Variants in CPAMD8 observed in about 807,000 individuals in gnomAD.
The protein encoded by CPAMD8 is C3 and PZP like alpha-2-macroglobulin domain containing 8, also known as C3 and PZP-like alpha-2-macroglobulin domain-containing protein 8.
A neutral mutation model predicts 224.7 loss-of-function variants in CPAMD8; 146 were observed. The observed-to-expected ratio is 0.65, with a 90% confidence interval of 0.57 to 0.75. CPAMD8 has a LOEUF of 0.75. Ranked by LOEUF, CPAMD8 falls within the 30% of genes least tolerant of loss-of-function variation. The probability of loss-of-function intolerance (pLI) is 0.00; values close to 1 mark genes in which losing one functional copy is unlikely to be tolerated. For missense variants in CPAMD8, 2,301 were observed against 2,537.5 expected (o/e 0.91, Z 2.00); for synonymous variants, 966 against 1,044.6 (o/e 0.92, Z 1.45).
At chr19:16,999,534 G>A (rs191661360) in intron 10 of CPAMD8, among the ~76,000 whole-genome samples, 56 of 148,606 alleles carry the variant, frequency 3.8e-4, no homozygotes, top group African/African-American at 6.7e-4. Flanking sequence ...GCAGTGAGCC[G>A]AGATCACGCC....
intron 29 of CPAMD8, among the ~76,000 whole-genome samples, 190 bp from the exon 30 acceptor site, chr19:16,907,307 C>CTTTTTTT (rs71334641): frequency 1.1e-4 from 9 of 81,060 alleles, no homozygotes; most frequent in African/African-American, 3.2e-4. Flanking sequence ...TCTTTCTTGC[C>CTTTTTTT]TTTTTTTTTT....
rs1290841375 is a variant in CPAMD8, at chr19:17,026,775, C to G, written c.-133G>C. On this transcript the variant is annotated 5_prime_UTR_variant, in exon 1 of 42. Coordinates refer to ENST00000443236, the MANE Select transcript of CPAMD8 (RefSeq NM_015692.5). Reference sequence around the variant, plus strand: ...GTTCGCAGCCCCCGCGCAGTGCGCCCGGCGCCATGCGCCCCGCTCCGCGCC... The same window carrying G: ...GTTCGCAGCCCCCGCGCAGTGCGCCGGGCGCCATGCGCCCCGCTCCGCGCC... 5.2e-6 allele frequency: 6 copies of G among 1,143,362 alleles called. No individual in the cohort carries two copies. Among genetic ancestry groups the G allele is most frequent in the South Asian group, 8.3e-5 (2 of 24,080 alleles). 70.8% of individuals were successfully genotyped at this position (1,143,362 alleles called of 1,614,324 possible).
intron 18 of CPAMD8, among the ~76,000 whole-genome samples, chr19:16,958,366 G>T (rs933022822): frequency 6.6e-6 from 1 of 152,106 alleles, no homozygotes; most frequent in African/African-American, 2.4e-5. Context: ...GTGAGAACAT[G>T]CAGTATTTGG....
intron 10 of CPAMD8, among the ~76,000 whole-genome samples, chr19:16,998,820 C>T (rs745717632): frequency 6.6e-5 from 10 of 152,146 alleles, no homozygotes; most frequent in Non-Finnish European, 1.3e-4. Flanking sequence ...AGCAATTCCG[C>T]TCCTAGGAAA....
At chr19:17,008,582 G>A in intron 6 of CPAMD8, 23 bp from the exon 7 acceptor site, 1 of 1,613,574 alleles carries the variant, frequency 6.2e-7, no homozygotes, top group African/African-American at 1.3e-5. Flanking sequence ...GAGGGGGACA[G>A]ACACACGGAG....
At chr19:16,974,974 C>T (rs551575516) in intron 17 of CPAMD8, 123 bp downstream of exon 17, 57 of 1,335,302 alleles carry the variant, frequency 4.3e-5, no homozygotes, top group Middle Eastern at 2.7e-4. Flanking sequence ...GACCCCATCT[C>T]GAAAAAAAGA....
intron 23 of CPAMD8, among the ~76,000 whole-genome samples, chr19:16,930,301 C>G (rs1259714872): frequency 6.6e-6 from 1 of 151,974 alleles, no homozygotes; most frequent in Non-Finnish European, 1.5e-5. Flanking sequence ...AACTCACACT[C>G]TCTGACACTG....
rs761996248 is a variant in CPAMD8, at chr19:16,914,900, C to T, written c.3630-87G>A. 6.0e-4 allele frequency: 546 copies of T among 905,842 alleles called. 2 individuals are homozygous for T. The highest frequency in any genetic ancestry group is 8.4e-4 in the Non-Finnish European group (498 of 593,458). 56.1% of individuals were successfully genotyped at this position (905,842 alleles called of 1,614,324 possible). A position where few individuals can be genotyped will look rare whatever the true frequency, so the allele number is the denominator to read the frequency against. On this transcript the variant is annotated intron_variant, in intron 27 of 41. Coordinates refer to ENST00000443236, the MANE Select transcript of CPAMD8 (RefSeq NM_015692.5). Reference sequence around the variant, plus strand: ...GAGGGATTGCAGCAAGCTCCTGGCACCACCCCCGGCCTCCATTTCCTCATC... The same window carrying T: ...GAGGGATTGCAGCAAGCTCCTGGCATCACCCCCGGCCTCCATTTCCTCATC...
At chr19:16,929,293 C>T in intron 23 of CPAMD8, 53 bp from the exon 24 acceptor site, 1 of 1,460,728 alleles carries the variant, frequency 6.8e-7, no homozygotes, top group Non-Finnish European at 9.3e-7. Flanking sequence ...AGGCATCCCA[C>T]TTTCCCTGAT....
At chr19:16,971,534 C>G (rs1238488670) in intron 17 of CPAMD8, among the ~76,000 whole-genome samples, 2 of 152,110 alleles carry the variant, frequency 1.3e-5, no homozygotes, top group Middle Eastern at 3.2e-3. Flanking sequence ...ACGCCCAGAA[C>G]AGGCAAATCC....
At chr19:16,900,608 T>C (rs951406205) in intron 36 of CPAMD8, among the ~76,000 whole-genome samples, 12 of 151,134 alleles carry the variant, frequency 7.9e-5, no homozygotes, top group African/African-American at 2.9e-4. Flanking sequence ...ATAATAATAA[T>C]AATAATAATA....
Position 16,980,536 on chromosome 19 carries a change from G to A in CPAMD8, c.1546C>T (p.Leu516=), listed in dbSNP as rs762191527. The change falls in exon 14 of 42, where the codon CTG becomes TTG. Residue 516 remains leucine, a synonymous_variant. Coordinates refer to ENST00000443236, the MANE Select transcript of CPAMD8 (RefSeq NM_015692.5). ...TGTGTTAAACGAATCGGTTTCTCCA[G>A]GGCAGGGGCCGCCCGCTTGCTTCGC... ...QQRSKRAAPA[L]EKPIRLTHLS... The A allele has an allele frequency of 1.9e-6, 3 of 1,613,884 alleles. No homozygotes were observed. Among genetic ancestry groups the A allele is most frequent in the Non-Finnish European group, 2.5e-6 (3 of 1,179,988 alleles).
At chr19:16,965,727 G>A (rs556054546) in intron 18 of CPAMD8, among the ~76,000 whole-genome samples, 1 of 152,248 alleles carries the variant, frequency 6.6e-6, no homozygotes, top group Non-Finnish European at 1.5e-5. Flanking sequence ...AATCATGAGT[G>A]AAATCCCATT....
chr19:16,938,272 C>T (rs907177373), intron 23 of CPAMD8, 123 bp downstream of exon 23: 7 of 554,906 alleles, frequency 1.3e-5, no homozygotes, highest in Middle Eastern at 3.0e-4. Flanking sequence ...GCCCCCTTCC[C>T]AGGGGAAGGG....
In CPAMD8 at chr19:16,931,519, C is replaced by G. The variant is rs567327035; in HGVS notation, c.2846-2279G>C. Reference sequence around the variant, plus strand: ...CCGGAGGGTCATCTCACCACTGCTACTGCCAGTGCCCATGCCAAGCCCACT... The same window carrying G: ...CCGGAGGGTCATCTCACCACTGCTAGTGCCAGTGCCCATGCCAAGCCCACT... On this transcript the variant is annotated intron_variant, in intron 23 of 41. Transcript: ENST00000443236. Among the ~76,000 whole-genome samples the G allele has an allele frequency of 1.3e-4, 20 of 152,344 alleles. No individual in the cohort carries two copies. In the South Asian group the frequency reaches 4.1e-3, roughly 32 times the overall value.
chr19:16,990,252 CA>C (rs893811367), intron 12 of CPAMD8, among the ~76,000 whole-genome samples: 19 of 145,808 alleles, frequency 1.3e-4, no homozygotes, highest in East Asian at 6.0e-4. Context: ...GACTCTGACT[CA>C]AAAAAAAAAG....
Position 16,988,518 on chromosome 19 carries a change from G to A in CPAMD8, c.1395+1125C>T, listed in dbSNP as rs564902189. ...CCAGCTACTCCAGAGGCTGAGGCAG[G>A]AGAATCACTTGAACCCTGGAGACGG... On this transcript the variant is annotated intron_variant, in intron 13 of 41. Transcript: ENST00000443236. Among the ~76,000 whole-genome samples the A allele has an allele frequency of 3.9e-5, 6 of 152,126 alleles. No homozygotes were observed. The South Asian group carries it at 8.3e-4, about 21-fold the overall frequency.
chr19:17,026,556 C>T lies in CPAMD8; in HGVS notation c.87G>A (p.Gln29=), dbSNP rs868324453. ...ARDGVRAAQP[Q]APGYLIAAPS... ...TGTCGCCGGAGGATACTCACGGGGC[C>T]TGAGGCTGCGCGGCGCGCACGCCGT... Residue 29 remains glutamine, a synonymous_variant, in exon 1 of 42, where the codon CAG becomes CAA. Transcript: ENST00000443236. 5.3e-6 allele frequency: 8 copies of T among 1,520,838 alleles called. No homozygotes were observed. The highest frequency in any genetic ancestry group is 7.0e-6 in the Non-Finnish European group (8 of 1,143,354). 94.2% of individuals were successfully genotyped at this position (1,520,838 alleles called of 1,614,324 possible).
In CPAMD8 at chr19:16,936,088, C is replaced by T. The variant is rs572551198; in HGVS notation, c.2845+2307G>A. On this transcript the variant is annotated intron_variant, in intron 23 of 41. Coordinates refer to ENST00000443236, the MANE Select transcript of CPAMD8 (RefSeq NM_015692.5). ...GACTACAGGCACAAGCCACCATGCC[C>T]AGCTAATATTTTGTATTTTTGTAGA... is the stretch of plus-strand genomic sequence containing the variant. Among the ~76,000 whole-genome samples, 13 of 151,572 alleles carry T rather than the reference C, an allele frequency of 8.6e-5. 1 individual carries two copies. The highest frequency in any genetic ancestry group is 2.9e-4 in the African/African-American group (12 of 41,318).
Sources: allele counts gnomAD v4.1 joint callset (sites outside exome capture counted in the v4.1 genomes callset), GRCh38; gene constraint gnomAD v4.1.1; transcripts MANE v1.5; gene names NCBI Gene and HGNC (gene_info 2026-07-23, HGNC 2026-07-21).